The following ANKS1B variants were observed in gnomAD, a reference collection of about 807,000 sequenced individuals.
The protein encoded by ANKS1B is ankyrin repeat and sterile alpha motif domain containing 1B.
A neutral mutation model predicts 148.3 loss-of-function variants in ANKS1B; 36 were observed. The observed-to-expected ratio is 0.24, with a 90% CI of 0.19 to 0.32. The LOEUF is 0.32. ANKS1B is among the 10% of genes least tolerant of loss of function. The pLI, the probability that ANKS1B is intolerant of heterozygous loss-of-function variation, is 1.00. For missense variants in ANKS1B, 1,157 were observed against 1,542.6 expected (o/e 0.75, Z 4.19); for synonymous variants, 542 against 560.8 (o/e 0.97, Z 0.47).
In ANKS1B at chr12:98,992,273, C is replaced by T. The variant is rs1042450348; in HGVS notation, c.2778+60884G>A. On this transcript the variant is annotated intron_variant, in intron 17 of 26. Transcript: ENST00000683438. Reference sequence around the variant, plus strand: ...ACTCTTTCTTTAAATCTTGGCAAGGCTGCCTCCTTTATTATTCAGAAGTCA... The same window carrying T: ...ACTCTTTCTTTAAATCTTGGCAAGGTTGCCTCCTTTATTATTCAGAAGTCA... Among the ~76,000 whole-genome samples, 59 of 152,146 alleles carry T rather than the reference C, an allele frequency of 3.9e-4. 1 individual carries two copies. The highest frequency in any genetic ancestry group is 1.4e-3 in the African/African-American group (56 of 41,434).
At chr12:99,144,909 C>G (rs772839620) in intron 15 of ANKS1B, among the ~76,000 whole-genome samples, 7 of 152,078 alleles carry the variant, frequency 4.6e-5, no homozygotes, top group Non-Finnish European at 1.0e-4. Context: ...TCTCAGACTT[C>G]TGGCCTCCAG....
chr12:98,933,943 C>T (rs1262410537), intron 17 of ANKS1B, among the ~76,000 whole-genome samples: 1 of 151,636 alleles, frequency 6.6e-6, no homozygotes, highest in Non-Finnish European at 1.5e-5. Context: ...AATATTTTGT[C>T]CCATTCAGTA....
At chr12:98,746,060 C>T (rs2097882313) in intron 26 of ANKS1B, among the ~76,000 whole-genome samples, 1 of 152,208 alleles carries the variant, frequency 6.6e-6, no homozygotes, top group South Asian at 2.1e-4. Context: ...GTGAATAAGG[C>T]ACAGCCCTTG....
intron 12 of ANKS1B, among the ~76,000 whole-genome samples, chr12:99,353,527 A>G (rs2091662928): frequency 6.6e-6 from 1 of 152,006 alleles, no homozygotes; most frequent in African/African-American, 2.4e-5. Flanking sequence ...GACCAGTTTC[A>G]TCTTCTCTCC....
intron 1 of ANKS1B, among the ~76,000 whole-genome samples, chr12:99,850,100 G>C (rs1230088570): frequency 6.6e-6 from 1 of 152,090 alleles, no homozygotes; most frequent in Non-Finnish European, 1.5e-5. Flanking sequence ...GATTTCATTA[G>C]ATAACAGTGG....
At chr12:98,975,963 C>T (rs372703213) in intron 17 of ANKS1B, among the ~76,000 whole-genome samples, 1 of 152,262 alleles carries the variant, frequency 6.6e-6, no homozygotes, top group African/African-American at 2.4e-5. Flanking sequence ...GAGTAATCTA[C>T]CCCAATTCCA....
chr12:99,917,342 C>T (rs1356963329), intron 1 of ANKS1B, among the ~76,000 whole-genome samples: 1 of 152,150 alleles, frequency 6.6e-6, no homozygotes, highest in African/African-American at 2.4e-5. Flanking sequence ...TTGTCCTCAG[C>T]CATCACAATG....
chr12:99,382,526 T>C (rs1030805655), intron 12 of ANKS1B, among the ~76,000 whole-genome samples: 2 of 151,866 alleles, frequency 1.3e-5, no homozygotes, highest in Non-Finnish European at 2.9e-5. Flanking sequence ...GGCAAAACCC[T>C]GTCTCTACCA....
At chr12:99,757,458 GA>G (rs954030792) in intron 8 of ANKS1B, among the ~76,000 whole-genome samples, 4 of 151,484 alleles carry the variant, frequency 2.6e-5, no homozygotes, top group African/African-American at 9.7e-5. Flanking sequence ...CAAGGTTATG[GA>G]AAAAAAAGCA....
intron 12 of ANKS1B, among the ~76,000 whole-genome samples, chr12:99,338,901 C>T (rs1204635803): frequency 6.6e-5 from 10 of 152,054 alleles, no homozygotes; most frequent in Non-Finnish European, 1.2e-4. Context: ...CTGTTATTTC[C>T]GAGTTGAAAG....
intron 17 of ANKS1B, among the ~76,000 whole-genome samples, chr12:98,979,724 G>A (rs1050290127): frequency 6.6e-6 from 1 of 151,614 alleles, no homozygotes. Context: ...TTATGTGTAA[G>A]CTGCATATGT....
Position 99,504,477 on chromosome 12 carries a change from A to T in ANKS1B, c.1437T>A (p.Thr479=). The T allele has an allele frequency of 1.2e-6, 2 of 1,611,682 alleles. No individual in the cohort carries two copies. The highest frequency in any genetic ancestry group is 1.1e-5 in the South Asian group (1 of 90,486). The stretch of plus-strand genomic sequence containing the variant: ...CCAATTGTGAGTAAGAGATATTACC[A>T]GTTCTTGGGGAAGGTGCCCTTGCAA... ...LEIARAPSPR[T]DNASEVAVTT... is the part of the protein sequence containing the mutation. The change falls in exon 10 of 27, where the codon ACT becomes ACA. Residue 479 remains threonine, a splice_region_variant and synonymous_variant. Transcript: ENST00000683438.
At chr12:98,894,502 T>A in intron 17 of ANKS1B, 3 of 907,198 alleles carry the variant, frequency 3.3e-6, no homozygotes, top group Non-Finnish European at 3.9e-6. Context: ...GCAAAGCGTC[T>A]CCGCAGCCTT....
rs2095441878 is a variant in ANKS1B at position 99,435,329 on chromosome 12, C to T, written c.1575+8344G>A. Among the ~76,000 whole-genome samples the T allele has an allele frequency of 2.0e-5, 3 of 152,090 alleles. No individual in the cohort carries two copies. In the South Asian group the frequency reaches 6.2e-4, roughly 32 times the overall value. ...GCAGAGGCATCTAAAGAATGAGATG[C>T]TTGAAGGTGAGTATCACCCCATATG... is the stretch of plus-strand genomic sequence containing the variant. On this transcript the variant is annotated intron_variant, in intron 11 of 26. Coordinates refer to ENST00000683438, the MANE Select transcript of ANKS1B (RefSeq NM_001352186.2).
intron 1 of ANKS1B, among the ~76,000 whole-genome samples, chr12:99,952,218 C>G (rs1051333272): frequency 2.0e-4 from 30 of 152,124 alleles, no homozygotes; most frequent in Admixed American, 6.5e-5. Context: ...TACATGAATT[C>G]ATGCATGGAA....
intron 9 of ANKS1B, among the ~76,000 whole-genome samples, chr12:99,569,478 G>A (rs1256933325): frequency 1.3e-5 from 2 of 152,084 alleles, no homozygotes; most frequent in East Asian, 3.9e-4. Flanking sequence ...TAAAATACCC[G>A]GCACATAAAA....
rs551848355 is a variant in ANKS1B at position 99,418,301 on chromosome 12, A to G, written c.1576-18490T>C. Among the ~76,000 whole-genome samples, 7 of 152,350 alleles carry G rather than the reference A, an allele frequency of 4.6e-5. No homozygotes were observed. In the East Asian group the frequency reaches 1.4e-3, roughly 29 times the overall value. On this transcript the variant is annotated intron_variant, in intron 11 of 26. Coordinates refer to ENST00000683438, the MANE Select transcript of ANKS1B (RefSeq NM_001352186.2). ...GGATACAAATTACAAAATGATGTAAATTTTGACATCCAAAACATAAAATGA... is the reference window on the plus strand; with the variant it reads ...GGATACAAATTACAAAATGATGTAAGTTTTGACATCCAAAACATAAAATGA...
chr12:98,944,588 G>C (rs1189647802), intron 17 of ANKS1B, among the ~76,000 whole-genome samples: 1 of 151,964 alleles, frequency 6.6e-6, no homozygotes, highest in African/African-American at 2.4e-5. Context: ...ATACAAACTA[G>C]GAAATATAGT....
intron 11 of ANKS1B, among the ~76,000 whole-genome samples, chr12:99,412,626 G>T (rs1226549605): frequency 6.6e-6 from 1 of 152,098 alleles, no homozygotes. Context: ...AAATGCCTCA[G>T]GTAGTAACTC....
Sources: gnomAD v4.1 joint callset for allele counts (sites outside exome capture counted in the v4.1 genomes callset) on GRCh38, gnomAD v4.1.1 for gene constraint, MANE v1.5 for transcripts, NCBI Gene and HGNC (gene_info 2026-07-23, HGNC 2026-07-21) for gene names.